Variants in PAK5 observed in about 807,000 individuals in gnomAD.
The protein encoded by PAK5 is p21 (RAC1) activated kinase 5, also known as serine/threonine-protein kinase PAK 5.
PAK5 carries 16 observed loss-of-function variants against 65.9 expected under a neutral mutation model. The observed-to-expected ratio is 0.24, with a 90% CI of 0.16 to 0.37. The LOEUF is 0.37. Among genes scored for constraint, PAK5 ranks in the 10% least tolerant of loss-of-function variants. PAK5 has a pLI of 1.00. For synonymous variants in PAK5, 371 were observed against 354.9 expected (o/e 1.05, Z -0.51); for missense variants, 785 against 903.9 (o/e 0.87, Z 1.69).
intron 4 of PAK5, among the ~76,000 whole-genome samples, chr20:9,572,106 G>A (rs1432411782): frequency 1.3e-5 from 2 of 150,168 alleles, no homozygotes; most frequent in African/African-American, 4.9e-5. Flanking sequence ...AGCAGTTTTG[G>A]CTTAGAGAAA....
chr20:9,665,031 T>C (rs899016081), intron 2 of PAK5, among the ~76,000 whole-genome samples: 1 of 149,744 alleles, frequency 6.7e-6, no homozygotes, highest in South Asian at 2.1e-4. Context: ...CACCTCAGCC[T>C]CCCAAGTAGC....
At chr20:9,650,309 G>C (rs1480253778) in intron 2 of PAK5, among the ~76,000 whole-genome samples, 1 of 152,106 alleles carries the variant, frequency 6.6e-6, no homozygotes, top group Admixed American at 6.5e-5. Context: ...TCTCTCCCCA[G>C]ACCCAGATTC....
At chr20:9,587,670 T>C (rs985191170) in intron 3 of PAK5, among the ~76,000 whole-genome samples, 10 of 152,124 alleles carry the variant, frequency 6.6e-5, no homozygotes, top group African/African-American at 2.2e-4. Context: ...TGTGATTCAG[T>C]AGGTCTGGGT....
At chr20:9,579,343 C>T (rs776551092) in intron 4 of PAK5, among the ~76,000 whole-genome samples, 1 of 152,144 alleles carries the variant, frequency 6.6e-6, no homozygotes, top group Non-Finnish European at 1.5e-5. Context: ...AAATCACTTG[C>T]ACATTCTCAA....
intron 1 of PAK5, among the ~76,000 whole-genome samples, chr20:9,778,697 C>G (rs1340584628): frequency 1.3e-5 from 2 of 152,146 alleles, no homozygotes; most frequent in African/African-American, 4.8e-5. Context: ...TGAGTTGATT[C>G]CTGGACTACC....
intron 7 of PAK5, among the ~76,000 whole-genome samples, chr20:9,552,062 TC>T (rs1335311578): frequency 6.6e-6 from 1 of 152,162 alleles, no homozygotes; most frequent in African/African-American, 2.4e-5. Context: ...ACTTCCCTTA[TC>T]ATGATGTGTG....
intron 1 of PAK5, among the ~76,000 whole-genome samples, chr20:9,758,342 A>T (rs146504326): frequency 6.6e-6 from 1 of 152,308 alleles, no homozygotes; most frequent in African/African-American, 2.4e-5. Context: ...AAACATTAGC[A>T]TAGAAGGGAG....
chr20:9,549,256 G>A (rs2045391217), intron 7 of PAK5, among the ~76,000 whole-genome samples: 1 of 152,062 alleles, frequency 6.6e-6, no homozygotes. Flanking sequence ...ATGGTGGTGG[G>A]CTTTGGAAAT....
intron 1 of PAK5, among the ~76,000 whole-genome samples, chr20:9,793,198 G>A (rs781235075): frequency 1.3e-4 from 20 of 152,110 alleles, no homozygotes; most frequent in Non-Finnish European, 1.8e-4. Flanking sequence ...AAGCATCCAC[G>A]CTGCAAAAGA....
Position 9,538,546 on chromosome 20 carries a change from C to A in PAK5, c.*916G>T, listed in dbSNP as rs868191829. ...CAATGATCCTAGCACTGAAATTGCT[C>A]CCTGGGAGGGAAATTTGGCCACAAG... On this transcript the variant is annotated 3_prime_UTR_variant, in exon 10 of 10. Coordinates refer to ENST00000353224, the MANE Select transcript of PAK5 (RefSeq NM_177990.4). 2 of 233,154 alleles carry A rather than the reference C, an allele frequency of 8.6e-6. No homozygotes were observed. Among genetic ancestry groups the A allele is most frequent in the Non-Finnish European group, 1.7e-5 (2 of 117,926 alleles). 14.4% of individuals were successfully genotyped at this position (233,154 alleles called of 1,614,324 possible). A position where few individuals can be genotyped will look rare whatever the true frequency, so the allele number is the denominator to read the frequency against.
chr20:9,661,865 T>C (rs947591090), intron 2 of PAK5, among the ~76,000 whole-genome samples: 6 of 152,156 alleles, frequency 3.9e-5, no homozygotes, highest in Admixed American at 6.6e-5. Flanking sequence ...CAAAAGCCTA[T>C]GGCTCCTACA....
chr20:9,597,179 G>T (rs974137312), intron 3 of PAK5, among the ~76,000 whole-genome samples: 2 of 152,088 alleles, frequency 1.3e-5, no homozygotes, highest in African/African-American at 4.8e-5. Flanking sequence ...TCCCTTGCTG[G>T]GGCTATGGTC....
chr20:9,620,342 G>A (rs530213220), intron 3 of PAK5, among the ~76,000 whole-genome samples: 79 of 152,356 alleles, frequency 5.2e-4, no homozygotes, highest in African/African-American at 1.7e-3. Context: ...ATGAAAATTT[G>A]AATTCAGGTC....
intron 1 of PAK5, among the ~76,000 whole-genome samples, chr20:9,713,156 C>G (rs2048098454): frequency 6.6e-6 from 1 of 151,948 alleles, no homozygotes; most frequent in Non-Finnish European, 1.5e-5. Context: ...ATTAGAAACT[C>G]AAACAACTCA....
intron 1 of PAK5, among the ~76,000 whole-genome samples, chr20:9,811,808 C>T (rs987204050): frequency 2.0e-5 from 3 of 152,166 alleles, no homozygotes; most frequent in Non-Finnish European, 4.4e-5. Context: ...AGTTACTATG[C>T]TCCTTCTAAC....
intron 4 of PAK5, among the ~76,000 whole-genome samples, chr20:9,579,105 C>A (rs1280526404): frequency 6.6e-6 from 1 of 152,138 alleles, no homozygotes; most frequent in African/African-American, 2.4e-5. Context: ...TATCTATAAT[C>A]AATAAATCAG....
intron 1 of PAK5, among the ~76,000 whole-genome samples, chr20:9,758,366 A>G (rs977295011): frequency 6.6e-6 from 1 of 152,166 alleles, no homozygotes; most frequent in Non-Finnish European, 1.5e-5. Context: ...CATCGAACAC[A>G]TGAATGTTTT....
chr20:9,635,785 A>T lies in PAK5; in HGVS notation c.204+8340T>A, dbSNP rs115364838. Among the ~76,000 whole-genome samples, 1,091 of 152,298 alleles carry T rather than the reference A, an allele frequency of 7.2e-3. 10 individuals are homozygous for T. The highest frequency in any genetic ancestry group is 0.025 in the African/African-American group (1,027 of 41,568). On this transcript the variant is annotated intron_variant, in intron 3 of 9. Coordinates refer to ENST00000353224, the MANE Select transcript of PAK5 (RefSeq NM_177990.4). ...GGTCTAAAAGAAGGGAGAGGCAAAA[A>T]CAAACAAACAAAAAACACTGATTTA...
chr20:9,577,178 A>G (rs1042504181), intron 4 of PAK5, among the ~76,000 whole-genome samples: 1 of 149,250 alleles, frequency 6.7e-6, no homozygotes, highest in South Asian at 2.3e-4. Flanking sequence ...CACCCTCCCA[A>G]CCCCAGGGTT....
Sources: gnomAD v4.1 joint callset for allele counts (sites outside exome capture counted in the v4.1 genomes callset) on GRCh38, gnomAD v4.1.1 for gene constraint, MANE v1.5 for transcripts, NCBI Gene and HGNC (gene_info 2026-07-23, HGNC 2026-07-21) for gene names.